The following AUTS2 variants were observed in gnomAD, a reference collection of about 807,000 sequenced individuals.
AUTS2 encodes activator of transcription and developmental regulator AUTS2, also known as autism susceptibility gene 2 protein.
AUTS2 carries 17 observed loss-of-function variants against 112.4 expected under a neutral mutation model. The observed-to-expected ratio is 0.15, with a 90% confidence interval of 0.10 to 0.23. The LOEUF is 0.23. AUTS2 is among the 10% of genes least tolerant of loss of function. The pLI is 1.00. For synonymous variants in AUTS2, 751 were observed against 702.7 expected (o/e 1.07, Z -1.09); for missense variants, 1,510 against 1,701.6 (o/e 0.89, Z 1.98).
At chr7:69,634,221 G>A (rs1244447062) in intron 1 of AUTS2, among the ~76,000 whole-genome samples, 4 of 151,424 alleles carry the variant, frequency 2.6e-5, no homozygotes, top group Non-Finnish European at 5.9e-5. Flanking sequence ...CCGGGTTCAC[G>A]CCATTCTCCT....
intron 5 of AUTS2, among the ~76,000 whole-genome samples, chr7:70,630,977 AT>A (rs904321873): frequency 6.8e-4 from 103 of 150,674 alleles, no homozygotes; most frequent in African/African-American, 2.3e-3. Flanking sequence ...AGGAAAATGG[AT>A]TTTTTTTTTG....
chr7:70,023,869 A>T (rs1055064782), intron 2 of AUTS2, among the ~76,000 whole-genome samples: 3 of 152,196 alleles, frequency 2.0e-5, no homozygotes, highest in Non-Finnish European at 4.4e-5. Flanking sequence ...TGTAAACCAT[A>T]GTTTTTCCTT....
At chr7:69,602,036 ATATATGTGTGTG>A (rs1792451276) in intron 1 of AUTS2, among the ~76,000 whole-genome samples, 7 of 17,972 alleles carry the variant, frequency 3.9e-4, no homozygotes, top group Non-Finnish European at 5.7e-4. Flanking sequence ...ATATATATAT[ATATATGTGTGTG>A]TGTGTGTGTG....
chr7:69,848,887 C>T (rs1792332745), intron 1 of AUTS2, among the ~76,000 whole-genome samples: 2 of 152,002 alleles, frequency 1.3e-5, no homozygotes, highest in Non-Finnish European at 1.5e-5. Context: ...ACCACCTTTT[C>T]GACACCCTTG....
At chr7:69,785,619 T>C (rs1457719898) in intron 1 of AUTS2, among the ~76,000 whole-genome samples, 1 of 152,222 alleles carries the variant, frequency 6.6e-6, no homozygotes, top group East Asian at 1.9e-4. Context: ...GTGCAGTGGC[T>C]TTTCACCATT....
At chr7:70,130,261 T>C (rs1806204061) in intron 3 of AUTS2, among the ~76,000 whole-genome samples, 3 of 152,340 alleles carry the variant, frequency 2.0e-5, no homozygotes, top group Middle Eastern at 3.4e-3. Context: ...CTCAGGGAGC[T>C]GTAACAGTAG....
At position 70,766,192 on chromosome 7, in the gene AUTS2, C is replaced by G; in HGVS notation, c.1547C>G (p.Pro516Arg). Residue 516 changes from proline to arginine, a missense_variant, in exon 9 of 19, where the codon CCT (proline) becomes CGT (arginine). Physicochemically the swap from Pro to Arg is moderately radical, Grantham distance 103. This residue lies in a region of AUTS2 where 187 missense variants were observed against 309.7 expected (regional missense o/e 0.60). Coordinates refer to ENST00000342771, the MANE Select transcript of AUTS2 (RefSeq NM_015570.4). The surrounding 1 kb of genome is among the most constrained non-coding windows in gnomAD (Gnocchi z 4.8). ...QSADRGASLG[P>R]PPYLRTEFHQ... is the part of the protein sequence containing the mutation. ...GCTGACCGCGGGGCTTCCCTGGGCC[C>G]TCCGCCCTACCTGCGGACCGAGTTC... is the stretch of plus-strand genomic sequence containing the variant. The G allele has an allele frequency of 3.7e-6, 6 of 1,614,186 alleles. No homozygotes were observed. The highest frequency in any genetic ancestry group is 5.1e-6 in the Non-Finnish European group (6 of 1,180,034).
chr7:69,972,986 T>C (rs1294685590), intron 2 of AUTS2, among the ~76,000 whole-genome samples: 1 of 152,192 alleles, frequency 6.6e-6, no homozygotes, highest in African/African-American at 2.4e-5. Flanking sequence ...ACAGAAAATC[T>C]TTCCGGTGTT....
chr7:69,769,925 T>G (rs1421838699), intron 1 of AUTS2, among the ~76,000 whole-genome samples: 1 of 152,258 alleles, frequency 6.6e-6, no homozygotes, highest in African/African-American at 2.4e-5. Flanking sequence ...ATGTAGCAAG[T>G]GTTTCAGTAT....
chr7:70,174,373 T>C (rs1808872261), intron 4 of AUTS2, among the ~76,000 whole-genome samples: 1 of 152,156 alleles, frequency 6.6e-6, no homozygotes, highest in Non-Finnish European at 1.5e-5. Context: ...AAAGGAACTA[T>C]CTCTAGAACA....
intron 4 of AUTS2, among the ~76,000 whole-genome samples, chr7:70,379,514 A>G (rs990801769): frequency 2.1e-4 from 32 of 151,490 alleles, no homozygotes; most frequent in African/African-American, 7.5e-4. Context: ...AAAAAAAAAA[A>G]GAAAGAAAGA....
chr7:70,301,601 C>T (rs189398695), intron 4 of AUTS2, among the ~76,000 whole-genome samples: 19 of 152,232 alleles, frequency 1.2e-4, no homozygotes, highest in East Asian at 3.9e-4. Flanking sequence ...TCCTTCCTTC[C>T]GTCCTCACCA....
At chr7:69,813,806 C>G (rs1163257599) in intron 1 of AUTS2, among the ~76,000 whole-genome samples, 1 of 152,186 alleles carries the variant, frequency 6.6e-6, no homozygotes, top group South Asian at 2.1e-4. Context: ...ATATGGCAGG[C>G]CTTAATAAAT....
At chr7:70,015,280 C>T (rs1490983176) in intron 2 of AUTS2, among the ~76,000 whole-genome samples, 8 of 152,300 alleles carry the variant, frequency 5.3e-5, no homozygotes, top group Middle Eastern at 3.4e-3. Flanking sequence ...CCTTGCTTAA[C>T]GTGAGCCAGG....
chr7:70,366,826 A>G (rs1265464359), intron 4 of AUTS2, among the ~76,000 whole-genome samples: 1 of 152,206 alleles, frequency 6.6e-6, no homozygotes, highest in Non-Finnish European at 1.5e-5. Context: ...CAAAGACTGC[A>G]TGGGAGAGTA....
At chr7:70,518,682 CAA>C (rs748207444) in intron 5 of AUTS2, among the ~76,000 whole-genome samples, 50 of 109,550 alleles carry the variant, frequency 4.6e-4, no homozygotes, top group Admixed American at 7.6e-4. Flanking sequence ...GACTCCGTCT[CAA>C]AAAAAAAAAA....
intron 4 of AUTS2, among the ~76,000 whole-genome samples, chr7:70,287,943 A>T (rs115643898): frequency 0.02 from 3,014 of 152,188 alleles, 120 homozygotes; most frequent in African/African-American, 0.069. Flanking sequence ...TGGTGTTTTG[A>T]TCTTAGATAT....
chr7:69,714,722 A>C (rs1409600306), intron 1 of AUTS2, among the ~76,000 whole-genome samples: 1 of 152,122 alleles, frequency 6.6e-6, no homozygotes, highest in Non-Finnish European at 1.5e-5. Flanking sequence ...TTTTAGAATC[A>C]GCTTTTCTGT....
chr7:70,161,910 T>C (rs1808096001), intron 4 of AUTS2, among the ~76,000 whole-genome samples: 1 of 152,138 alleles, frequency 6.6e-6, no homozygotes, highest in African/African-American at 2.4e-5. Flanking sequence ...GTTGGAGTTA[T>C]TGAAGGGGGT....
Sources: gnomAD v4.1 joint callset for allele counts (sites outside exome capture counted in the v4.1 genomes callset) on GRCh38, gnomAD v4.1.1 for gene constraint, gnomAD v4.1.1 regional missense constraint, Gnocchi (gnomAD v3.1) non-coding constraint, MANE v1.5 for transcripts, NCBI Gene and HGNC (gene_info 2026-07-23, HGNC 2026-07-21) for gene names.